SERPINF2: variants seen among roughly 807,000 people sequenced by gnomAD.
The protein encoded by SERPINF2 is alpha-2-antiplasmin.
SERPINF2 carries 15 observed loss-of-function variants against 45.0 expected under a neutral mutation model. That is an observed-to-expected ratio of 0.33 (90% CI 0.22 to 0.51). The LOEUF (loss-of-function observed/expected upper bound fraction) is 0.51, where lower values mean the gene tolerates loss of function less well. Among genes scored for constraint, SERPINF2 ranks in the 20% least tolerant of loss-of-function variants. The pLI, the probability that SERPINF2 is intolerant of heterozygous loss-of-function variation, is 0.97. For synonymous variants in SERPINF2, 283 were observed against 277.9 expected (o/e 1.02, Z -0.18); for missense variants, 518 against 637.4 (o/e 0.81, Z 2.02).
rs1056561056 is a variant in SERPINF2 at position 1,754,631 on chromosome 17, G to C, written c.*97G>C. On this transcript the variant is annotated 3_prime_UTR_variant, in exon 10 of 10. Coordinates refer to ENST00000453066, the MANE Select transcript of SERPINF2 (RefSeq NM_000934.4). ...GCTTTGTGGCACTGGGGCAGGGGCC[G>C]GGGGCAGTCTGAGAGAGGCCATTCT... 4.1e-6 allele frequency: 6 copies of C among 1,454,608 alleles called. No homozygotes were observed. In the Admixed American group the frequency reaches 1.2e-4, roughly 30 times the overall value. The allele number at this position is 1,454,608 out of a possible 1,614,324, so 90.1% of individuals were successfully genotyped here.
rs67887323 is a variant in SERPINF2 at position 1,754,685 on chromosome 17, T to TGGGGGGGGGGGGGGGGG, written c.*161_*162insGGGGGGGGGGGGGGGGG. 3 of 181,380 alleles carry TGGGGGGGGGGGGGGGGG rather than the reference T, an allele frequency of 1.7e-5. No homozygotes were observed. The highest frequency in any genetic ancestry group is 6.4e-5 in the South Asian group (1 of 15,730). 11.2% of individuals were successfully genotyped at this position (181,380 alleles called of 1,614,324 possible). ...CCAACACCTCTTGGGGAGTTTAGGG[T>TGGGGGGGGGGGGGGGGG]GGGGGGGGGGCGCGGCTGGGAGGAG... is the stretch of plus-strand genomic sequence containing the variant. On this transcript the variant is annotated 3_prime_UTR_variant, in exon 10 of 10. Transcript: ENST00000453066.
intron 8 of SERPINF2, 136 bp downstream of exon 8, chr17:1,748,876 T>G (rs1906116186): frequency 1.4e-6 from 1 of 735,178 alleles, no homozygotes; most frequent in African/African-American, 1.7e-5. Context: ...GGCAGGCAAC[T>G]GCAAAAGGTC....
Position 1,744,488 on chromosome 17 carries a change from C to A in SERPINF2, c.-4-504C>A, listed in dbSNP as rs115256859. ...AGCCTGGTCAACGAGAGCGAAACTC[C>A]GTCTCAAAAAATAAACAACAAAAAA... On this transcript the variant is annotated intron_variant, in intron 1 of 9. Transcript: ENST00000453066. 3 of 950,516 alleles carry A rather than the reference C, an allele frequency of 3.2e-6. No individual in the cohort carries two copies. In the African/African-American group the frequency reaches 5.3e-5, roughly 17 times the overall value. 58.9% of individuals were successfully genotyped at this position (950,516 alleles called of 1,614,324 possible).
chr17:1,753,312 C>G (rs1170404776), intron 9 of SERPINF2, among the ~76,000 whole-genome samples: 1 of 152,192 alleles, frequency 6.6e-6, no homozygotes, highest in East Asian at 1.9e-4. Context: ...CCTCTTGACC[C>G]CAGGTGGCTG....
In SERPINF2 at chr17:1,754,100, A is replaced by C; in HGVS notation, c.1064-22A>C. Reference sequence around the variant, plus strand: ...TGTGAGGCCAAGGGCAGCTCTGACCAGCCATCTCTGGCCCTGGGCAGGCCT... The same window carrying C: ...TGTGAGGCCAAGGGCAGCTCTGACCCGCCATCTCTGGCCCTGGGCAGGCCT... On this transcript the variant is annotated intron_variant, in intron 9 of 9. Coordinates refer to ENST00000453066, the MANE Select transcript of SERPINF2 (RefSeq NM_000934.4). 4 of 1,601,306 alleles carry C rather than the reference A, an allele frequency of 2.5e-6. No homozygotes were observed. The East Asian group carries it at 8.9e-5, about 36-fold the overall frequency.
intron 7 of SERPINF2, among the ~76,000 whole-genome samples, chr17:1,748,043 T>C (rs578013819): frequency 6.7e-6 from 1 of 148,386 alleles, no homozygotes; most frequent in Non-Finnish European, 1.5e-5. Flanking sequence ...CTCACGCCTG[T>C]AATCCCAACA....
Position 1,755,251 on chromosome 17 carries a change from A to G in SERPINF2, c.*717A>G, listed in dbSNP as rs1906752378. 1.3e-5 allele frequency: 2 copies of G among 152,502 alleles called. No individual in the cohort carries two copies. The highest frequency in any genetic ancestry group is 2.9e-5 in the Non-Finnish European group (2 of 68,226). The allele number at this position is 152,502 out of a possible 1,614,324, so 9.4% of individuals were successfully genotyped here. A position where few individuals can be genotyped will look rare whatever the true frequency, so the allele number is the denominator to read the frequency against. On this transcript the variant is annotated 3_prime_UTR_variant, in exon 10 of 10. Transcript: ENST00000453066. This position sits in a 1 kb window ranked among gnomAD's most constrained non-coding sequence, Gnocchi z 4.2. Reference sequence around the variant, plus strand: ...GTAGTGATTTTTATGCCACCTGAATAAAGAATGAATGGGCCTGGCTGGTTT... The same window carrying G: ...GTAGTGATTTTTATGCCACCTGAATGAAGAATGAATGGGCCTGGCTGGTTT...
At chr17:1,744,508 A>G in intron 1 of SERPINF2, 1 of 981,352 alleles carries the variant, frequency 1.0e-6, no homozygotes, top group African/African-American at 1.7e-5. Flanking sequence ...AATAAACAAC[A>G]AAAAATCCCA....
chr17:1,743,396 G>T (rs112823791), intron 1 of SERPINF2, among the ~76,000 whole-genome samples: 1,663 of 152,324 alleles, frequency 0.011, 13 homozygotes, highest in Non-Finnish European at 0.017. Context: ...GTCCAGCCTT[G>T]TGGGCAAGAC....
intron 1 of SERPINF2, among the ~76,000 whole-genome samples, chr17:1,743,729 A>G (rs1778865191): frequency 6.6e-6 from 1 of 150,500 alleles, no homozygotes; most frequent in South Asian, 2.1e-4. Context: ...AAAAAAAAAA[A>G]AAAAAAAAAA....
chr17:1,744,805 G>A (rs191474520), intron 1 of SERPINF2, 187 bp from the exon 2 acceptor site: 28 of 985,442 alleles, frequency 2.8e-5, no homozygotes, highest in Admixed American at 1.8e-4. Flanking sequence ...AAGCCAGGGC[G>A]GATGTCCCAG....
intron 5 of SERPINF2, among the ~76,000 whole-genome samples, chr17:1,746,647 G>A (rs532532007): frequency 6.6e-6 from 1 of 151,958 alleles, no homozygotes; most frequent in South Asian, 2.1e-4. Flanking sequence ...GGGTGGTCTC[G>A]AACTCTCGAC....
In SERPINF2 at chr17:1,750,830, C is replaced by T. The variant is rs996477979; in HGVS notation, c.859-1756C>T. Among the ~76,000 whole-genome samples, 6 of 152,292 alleles carry T rather than the reference C, an allele frequency of 3.9e-5. No homozygotes were observed. The East Asian group carries it at 5.8e-4, about 15-fold the overall frequency. On this transcript the variant is annotated intron_variant, in intron 8 of 9. Coordinates refer to ENST00000453066, the MANE Select transcript of SERPINF2 (RefSeq NM_000934.4). ...GCTGTGGGTGAGGCTGGCCCGGGAA[C>T]GCGTCCTGGCTTCCCTGCAGCTCAT...
intron 1 of SERPINF2, among the ~76,000 whole-genome samples, chr17:1,743,368 T>C (rs1195221653): frequency 6.6e-6 from 1 of 152,136 alleles, no homozygotes; most frequent in Non-Finnish European, 1.5e-5. Flanking sequence ...TGGTGAGACC[T>C]CAGGGCCTCA....
rs141637051 is a variant in SERPINF2, at chr17:1,754,187, G to A, written c.1129G>A (p.Gly377Ser). ...CTCCGAGCAGAGCCTGGTGGTGTCC[G>A]GCGTGCAGCATCAGTCCACCCTGGA... ...GISEQSLVVS[G>S]VQHQSTLELS... The change falls in exon 10 of 10, where the codon GGC becomes AGC. Residue 377 changes from glycine (G) to serine (S), a missense_variant. By Grantham distance (56) the Gly-to-Ser change is moderately conservative. Around this residue, in one of 2 missense-constraint regions of SERPINF2, gnomAD observed 435 missense variants for 577.3 expected, o/e 0.75. Coordinates refer to ENST00000453066, the MANE Select transcript of SERPINF2 (RefSeq NM_000934.4). The A allele has an allele frequency of 8.0e-5, 129 of 1,612,524 alleles. No homozygotes were observed. Among genetic ancestry groups the A allele is most frequent in the South Asian group, 4.4e-5 (4 of 91,084 alleles).
At chr17:1,753,829 C>T (rs1022834608) in intron 9 of SERPINF2, among the ~76,000 whole-genome samples, 4 of 152,182 alleles carry the variant, frequency 2.6e-5, no homozygotes, top group Non-Finnish European at 4.4e-5. Context: ...GGTGGGCAGA[C>T]GAGCAATCAC....
chr17:1,750,148 C>A lies in SERPINF2; in HGVS notation c.858+1408C>A. On this transcript the variant is annotated intron_variant, in intron 8 of 9. Coordinates refer to ENST00000453066, the MANE Select transcript of SERPINF2 (RefSeq NM_000934.4). ...ACCACCACGCCTGGCTAATTTTGTTCGTTTGTTTGTTTGTTTTTGAGACGG... is the reference window on the plus strand; with the variant it reads ...ACCACCACGCCTGGCTAATTTTGTTAGTTTGTTTGTTTGTTTTTGAGACGG... 2.6e-5 allele frequency among the ~76,000 whole-genome samples: 4 copies of A among 151,402 alleles called. 1 individual carries two copies. The South Asian group carries it at 8.4e-4, about 32-fold the overall frequency.
intron 7 of SERPINF2, 62 bp downstream of exon 7, chr17:1,747,574 T>G: frequency 6.4e-7 from 1 of 1,552,772 alleles, no homozygotes; most frequent in South Asian, 1.2e-5. Context: ...TGCAGGCCTT[T>G]TTGTTTTTTG....
At position 1,745,508 on chromosome 17, in the gene SERPINF2, GC is replaced by G; in HGVS notation, c.165+115del. On this transcript the variant is annotated intron_variant, in intron 4 of 9. Transcript: ENST00000453066. This position sits in a 1 kb window ranked among gnomAD's most constrained non-coding sequence, Gnocchi z 6.2. ...GAGGCTGAGGCTCTGGAGTCCAGAG[GC>G]CAGAAGGGAGAGAGGGTGGGGAGGA... is the stretch of plus-strand genomic sequence containing the variant. The G allele has an allele frequency of 7.4e-7, 1 of 1,351,948 alleles. No homozygotes were observed. The highest frequency in any genetic ancestry group is 1.0e-6 in the Non-Finnish European group (1 of 968,206). The allele number at this position is 1,351,948 out of a possible 1,614,324, so 83.7% of individuals were successfully genotyped here.
Sources: gnomAD v4.1 joint callset for allele counts (sites outside exome capture counted in the v4.1 genomes callset) on GRCh38, gnomAD v4.1.1 for gene constraint, gnomAD v4.1.1 regional missense constraint, Gnocchi (gnomAD v3.1) non-coding constraint, MANE v1.5 for transcripts, NCBI Gene and HGNC (gene_info 2026-07-23, HGNC 2026-07-21) for gene names.